DNAH9: variants seen among roughly 807,000 people sequenced by gnomAD.
DNAH9 encodes dynein axonemal heavy chain 9, also known as DNAH9 variant protein.
In DNAH9, 345 loss-of-function variants were observed where a neutral mutation model predicts 471.6. The ratio of observed to expected loss-of-function variants is 0.73; its 90% CI spans 0.67 to 0.80. The LOEUF is 0.80. Ranked by LOEUF, DNAH9 falls within the 30% of genes least tolerant of loss-of-function variation. The pLI is 0.00. For missense variants in DNAH9, 5,407 were observed against 5,609.2 expected (o/e 0.96, Z 1.15); for synonymous variants, 2,093 against 2,123.6 (o/e 0.99, Z 0.40).
chr17:11,769,112 C>A lies in DNAH9; in HGVS notation c.7345-10C>A. On this transcript the variant is annotated splice_polypyrimidine_tract_variant and intron_variant, in intron 37 of 68. Coordinates refer to ENST00000262442, the MANE Select transcript of DNAH9 (RefSeq NM_001372.4). ...CCACCCTTGGCAGGCTTATTGTGCT[C>A]CCATTCCAGGCGTGTTTGGTGCACA... is the stretch of plus-strand genomic sequence containing the variant. The A allele has an allele frequency of 6.2e-7, 1 of 1,614,104 alleles. No homozygotes were observed. The highest frequency in any genetic ancestry group is 8.5e-7 in the Non-Finnish European group (1 of 1,179,992).
At chr17:11,866,315 G>A (rs1972053570) in intron 50 of DNAH9, among the ~76,000 whole-genome samples, 3 of 152,286 alleles carry the variant, frequency 2.0e-5, no homozygotes, top group African/African-American at 4.8e-5. Flanking sequence ...ATCAGCAGCG[G>A]TGTCTGCAGA....
intron 62 of DNAH9, among the ~76,000 whole-genome samples, chr17:11,928,584 T>TGATA (rs1179590631): frequency 6.6e-6 from 1 of 152,218 alleles, no homozygotes; most frequent in African/African-American, 2.4e-5. Flanking sequence ...ATGTAGGTTT[T>TGATA]GATAGATAGA....
intron 26 of DNAH9, among the ~76,000 whole-genome samples, chr17:11,706,563 C>T (rs2074705008): frequency 6.6e-6 from 1 of 152,082 alleles, no homozygotes; most frequent in Non-Finnish European, 1.5e-5. Context: ...GCCCTTTGAG[C>T]ACAGAGGGCC....
intron 49 of DNAH9, among the ~76,000 whole-genome samples, chr17:11,847,130 T>C (rs573935785): frequency 1.3e-5 from 2 of 152,346 alleles, no homozygotes; most frequent in South Asian, 4.1e-4. Flanking sequence ...GATCCAAGCT[T>C]GCAAAAATTT....
chr17:11,898,584 AC>A (rs965573451), intron 59 of DNAH9, among the ~76,000 whole-genome samples: 6 of 152,086 alleles, frequency 3.9e-5, no homozygotes, highest in Admixed American at 3.9e-4. Flanking sequence ...GACACAATTC[AC>A]CCCATAACAA....
intron 55 of DNAH9, 134 bp from the exon 56 acceptor site, chr17:11,883,452 G>A (rs975886333): frequency 8.2e-7 from 1 of 1,225,094 alleles, no homozygotes; most frequent in African/African-American, 1.5e-5. Context: ...CCTGCTCATG[G>A]TCTGAAGCTC....
intron 8 of DNAH9, among the ~76,000 whole-genome samples, chr17:11,635,483 C>G (rs1009092176): frequency 6.6e-6 from 1 of 151,940 alleles, no homozygotes; most frequent in African/African-American, 2.4e-5. Flanking sequence ...GCCCGGCCCT[C>G]TTTTCAATTT....
At chr17:11,936,205 A>C (rs548949785) in intron 65 of DNAH9, among the ~76,000 whole-genome samples, 2 of 152,304 alleles carry the variant, frequency 1.3e-5, no homozygotes, top group South Asian at 4.1e-4. Context: ...GAACATACAG[A>C]TCGGCCCTTG....
intron 65 of DNAH9, 55 bp downstream of exon 65, chr17:11,934,126 T>C (rs992977939): frequency 6.4e-7 from 1 of 1,559,788 alleles, no homozygotes; most frequent in Non-Finnish European, 8.7e-7. Flanking sequence ...GGGCCCTGGG[T>C]ATTCCTCCCA....
At chr17:11,775,601 T>G (rs1597628430) in intron 38 of DNAH9, among the ~76,000 whole-genome samples, 2 of 131,866 alleles carry the variant, frequency 1.5e-5, no homozygotes, top group South Asian at 5.5e-4. Flanking sequence ...TGTTCTTTTT[T>G]TTTTTTTTTT....
At chr17:11,752,209 G>A (rs755549613) in intron 32 of DNAH9, among the ~76,000 whole-genome samples, 21 of 152,250 alleles carry the variant, frequency 1.4e-4, no homozygotes, top group Middle Eastern at 3.4e-3. Context: ...CAGATGGGCC[G>A]CTTTCCAAAG....
chr17:11,887,483 G>A (rs971043129), intron 57 of DNAH9, among the ~76,000 whole-genome samples: 1 of 152,106 alleles, frequency 6.6e-6, no homozygotes, highest in Non-Finnish European at 1.5e-5. Context: ...CAAATTGTAA[G>A]TGCTGACTAA....
At chr17:11,818,352 C>A (rs978027492) in intron 45 of DNAH9, among the ~76,000 whole-genome samples, 2 of 151,774 alleles carry the variant, frequency 1.3e-5, no homozygotes, top group African/African-American at 4.8e-5. Flanking sequence ...TCGCTTGAAC[C>A]TGGGAGGCAG....
chr17:11,881,466 A>C (rs1034287075), intron 55 of DNAH9, 53 bp downstream of exon 55: 9 of 1,543,916 alleles, frequency 5.8e-6, no homozygotes, highest in Non-Finnish European at 7.9e-6. Flanking sequence ...AGTGTACTCC[A>C]CTCTGGGAGA....
chr17:11,713,381 A>G (rs868809300), intron 26 of DNAH9, among the ~76,000 whole-genome samples: 16 of 151,994 alleles, frequency 1.1e-4, no homozygotes, highest in African/African-American at 3.4e-4. Context: ...ATGTGTCTTT[A>G]TGGCAGAATG....
intron 35 of DNAH9, 50 bp from the exon 36 acceptor site, chr17:11,763,390 A>G (rs762915754): frequency 6.5e-7 from 1 of 1,543,098 alleles, no homozygotes; most frequent in South Asian, 1.2e-5. Context: ...CAGCACCACC[A>G]GAATGGAATA....
At chr17:11,664,094 T>C (rs2073823934) in intron 14 of DNAH9, among the ~76,000 whole-genome samples, 1 of 152,192 alleles carries the variant, frequency 6.6e-6, no homozygotes, top group Non-Finnish European at 1.5e-5. Context: ...ACTGGAAAGT[T>C]GCTGTAAAAA....
chr17:11,912,958 A>G (rs1003326547), intron 61 of DNAH9, among the ~76,000 whole-genome samples: 3 of 152,066 alleles, frequency 2.0e-5, no homozygotes, highest in Non-Finnish European at 4.4e-5. Context: ...ACCTGAGGTC[A>G]GGAGTTCAAG....
intron 42 of DNAH9, among the ~76,000 whole-genome samples, chr17:11,796,284 G>C (rs1416437949): frequency 6.6e-6 from 1 of 152,198 alleles, no homozygotes; most frequent in Non-Finnish European, 1.5e-5. Context: ...CCATCCTCAT[G>C]TGTTTTCCTA....
Sources: allele counts gnomAD v4.1 joint callset (sites outside exome capture counted in the v4.1 genomes callset), GRCh38; gene constraint gnomAD v4.1.1; transcripts MANE v1.5; gene names NCBI Gene and HGNC (gene_info 2026-07-23, HGNC 2026-07-21).